Variants in ATP8A1 observed in about 807,000 individuals in gnomAD.
ATP8A1 encodes ATPase phospholipid transporting 8A1, also known as phospholipid-transporting ATPase IA.
Under a neutral mutation model 177.7 loss-of-function variants are expected in ATP8A1, and 90 were observed. The ratio of observed to expected loss-of-function variants is 0.51; its 90% CI spans 0.43 to 0.60. The LOEUF is 0.60. ATP8A1 is among the 20% of genes least tolerant of loss of function. The pLI, the probability that ATP8A1 is intolerant of heterozygous loss-of-function variation, is 0.00. For missense variants in ATP8A1, 1,072 were observed against 1,392.8 expected, an observed-to-expected ratio of 0.77 and a Z score of 3.67; for synonymous variants, 493 against 485.9, an observed-to-expected ratio of 1.01 and a Z score of -0.19.
chr4:42,479,780 A>G (rs1721464898), intron 25 of ATP8A1, among the ~76,000 whole-genome samples: 1 of 152,200 alleles, frequency 6.6e-6, no homozygotes. Context: ...TAAAATGAAT[A>G]AGAGGGATGG....
chr4:42,656,833 C>A lies in ATP8A1; in HGVS notation c.41G>T (p.Arg14Leu). 6.3e-7 allele frequency: 1 copy of A among 1,581,116 alleles called. No individual in the cohort carries two copies. ...MRRTVSEIRS[R>L]AEGYEKTDDV... is the part of the protein sequence containing the mutation. ...CCTCGGCGGCCCCTTACCTTCGGCGCGCGAGCGGATCTCCGACACGGTCCT... is the reference window on the plus strand; with the variant it reads ...CCTCGGCGGCCCCTTACCTTCGGCGAGCGAGCGGATCTCCGACACGGTCCT... The change falls in exon 1 of 37, where the codon CGC becomes CTC. Residue 14 changes from arginine (R) to leucine (L), a missense_variant. By Grantham distance (102) the Arg-to-Leu change is moderately radical. This residue lies in a region of ATP8A1 where 344 missense variants were observed against 393.5 expected (regional missense o/e 0.87). Coordinates refer to ENST00000381668, the MANE Select transcript of ATP8A1 (RefSeq NM_006095.2).
intron 20 of ATP8A1, among the ~76,000 whole-genome samples, chr4:42,530,590 G>A (rs542877910): frequency 9.6e-4 from 146 of 152,286 alleles, no homozygotes; most frequent in Middle Eastern, 3.4e-3. Flanking sequence ...GGCTAAAGAC[G>A]TGTGGCAGTG....
intron 9 of ATP8A1, among the ~76,000 whole-genome samples, chr4:42,583,695 T>C (rs1733336295): frequency 6.6e-6 from 1 of 152,112 alleles, no homozygotes; most frequent in African/African-American, 2.4e-5. Context: ...TTCCAAAGGG[T>C]CTCCAAGAGC....
At chr4:42,577,503 AAAAG>A (rs1488231667) in intron 12 of ATP8A1, among the ~76,000 whole-genome samples, 1 of 152,200 alleles carries the variant, frequency 6.6e-6, no homozygotes, top group African/African-American at 2.4e-5. Context: ...CAATGATTGA[AAAAG>A]AAAGAAACAT....
chr4:42,486,079 C>T (rs1255964103), intron 24 of ATP8A1, among the ~76,000 whole-genome samples: 1 of 152,116 alleles, frequency 6.6e-6, no homozygotes, highest in Non-Finnish European at 1.5e-5. Context: ...GTACACTCGC[C>T]AGCAGTTTTG....
intron 29 of ATP8A1, among the ~76,000 whole-genome samples, chr4:42,455,025 C>T (rs749769384): frequency 6.6e-5 from 10 of 152,132 alleles, no homozygotes; most frequent in Non-Finnish European, 1.2e-4. Context: ...GATTTTTATA[C>T]GTCAGGCCAG....
At chr4:42,576,475 C>CAAAAAAAAAAAA (rs1159794343) in intron 12 of ATP8A1, among the ~76,000 whole-genome samples, 349 of 32,416 alleles carry the variant, frequency 0.011, 31 homozygotes, top group Non-Finnish European at 0.013. Flanking sequence ...GACGCCGTCT[C>CAAAAAAAAAAAA]AAAAAAAAAA....
chr4:42,482,549 T>TGA lies in ATP8A1; in HGVS notation c.2324+2945_2324+2946dup, dbSNP rs1553884328. Among the ~76,000 whole-genome samples the TGA allele has an allele frequency of 4.7e-4, 72 of 152,134 alleles. 1 individual carries two copies. The highest frequency in any genetic ancestry group is 3.4e-3 in the Middle Eastern group (1 of 294). ...GAAAATTTCCTTCAGAAAACAGTGG[T>TGA]GAGAGAGACATAATGTCTGCTGCCT... On this transcript the variant is annotated intron_variant, in intron 25 of 36. Transcript: ENST00000381668.
rs1248177541 is a variant in ATP8A1 at position 42,656,886 on chromosome 4, T to C, written c.-13A>G. ...GCATGGTGGGCATCGCGGCGGCGGC[T>C]GCAGGTGGGTCCTCAGCCCGGACTC... On this transcript the variant is annotated 5_prime_UTR_variant, in exon 1 of 37. Transcript: ENST00000381668. The C allele has an allele frequency of 1.3e-6, 2 of 1,578,374 alleles. No individual in the cohort carries two copies. Among genetic ancestry groups the C allele is most frequent in the Non-Finnish European group, 1.7e-6 (2 of 1,162,500 alleles).
intron 33 of ATP8A1, among the ~76,000 whole-genome samples, chr4:42,433,656 A>T (rs1715567636): frequency 6.6e-6 from 1 of 152,152 alleles, no homozygotes; most frequent in South Asian, 2.1e-4. Context: ...AAACAAACAA[A>T]CAAACACAAA....
At chr4:42,610,142 C>A (rs1397856716) in intron 5 of ATP8A1, among the ~76,000 whole-genome samples, 2 of 149,248 alleles carry the variant, frequency 1.3e-5, no homozygotes, top group Admixed American at 6.7e-5. Flanking sequence ...ATCCCTACAT[C>A]TCTCATTTGG....
At chr4:42,518,348 G>A (rs1038188725) in intron 22 of ATP8A1, among the ~76,000 whole-genome samples, 1 of 152,014 alleles carries the variant, frequency 6.6e-6, no homozygotes, top group Non-Finnish European at 1.5e-5. Context: ...TCTTGCATAC[G>A]GGCACAATGA....
At chr4:42,444,110 G>A (rs1276946765) in intron 32 of ATP8A1, among the ~76,000 whole-genome samples, 2 of 152,022 alleles carry the variant, frequency 1.3e-5, no homozygotes, top group Non-Finnish European at 2.9e-5. Flanking sequence ...TTGTTTCCGG[G>A]GTCTCTACTG....
intron 24 of ATP8A1, among the ~76,000 whole-genome samples, chr4:42,489,042 GAC>G (rs753280322): frequency 3.3e-4 from 50 of 152,250 alleles, no homozygotes; most frequent in Admixed American, 1.6e-3. Flanking sequence ...GTAAGAGAGA[GAC>G]ACACACAGAG....
At chr4:42,613,405 A>G (rs1230382031) in intron 5 of ATP8A1, among the ~76,000 whole-genome samples, 1 of 152,132 alleles carries the variant, frequency 6.6e-6, no homozygotes, top group African/African-American at 2.4e-5. Context: ...TGGATGCTCA[A>G]GTCCCTTAAA....
Position 42,616,035 on chromosome 4 carries a change from TG to T in ATP8A1, c.406del (p.Gln136LysfsTer3). The T allele has an allele frequency of 1.2e-6, 2 of 1,611,988 alleles. No homozygotes were observed. The highest frequency in any genetic ancestry group is 1.7e-6 in the Non-Finnish European group (2 of 1,179,072). ...AAAAAAGCATGTAAAATTCCTACCT[TG>T]CGTTTGTTTCTTGTTCACTGCATTA... is the stretch of plus-strand genomic sequence containing the variant. ...ADNAVNKKQT[Q>X]VLRNGAWEIV... is the part of the protein sequence containing the mutation. On this transcript the variant is annotated frameshift_variant, in exon 5 of 37. Coordinates refer to ENST00000381668, the MANE Select transcript of ATP8A1 (RefSeq NM_006095.2). LOFTEE classifies it high-confidence loss of function.
chr4:42,530,136 T>C (rs1336413867), intron 20 of ATP8A1, among the ~76,000 whole-genome samples: 1 of 152,182 alleles, frequency 6.6e-6, no homozygotes, highest in East Asian at 1.9e-4. Context: ...ACCCCTGTCA[T>C]TACCCAATGG....
At chr4:42,495,518 C>T (rs905634917) in intron 24 of ATP8A1, among the ~76,000 whole-genome samples, 3 of 152,152 alleles carry the variant, frequency 2.0e-5, no homozygotes, top group African/African-American at 7.2e-5. Flanking sequence ...TAGTATTCAT[C>T]CCAGTCAGGA....
At chr4:42,537,650 C>T (rs985425335) in intron 20 of ATP8A1, among the ~76,000 whole-genome samples, 2 of 152,100 alleles carry the variant, frequency 1.3e-5, no homozygotes, top group African/African-American at 4.8e-5. Flanking sequence ...AAGAACTCAA[C>T]CCCTTTTACA....
Sources: gnomAD v4.1 joint callset for allele counts (sites outside exome capture counted in the v4.1 genomes callset) on GRCh38, gnomAD v4.1.1 for gene constraint, gnomAD v4.1.1 regional missense constraint, MANE v1.5 for transcripts, NCBI Gene and HGNC (gene_info 2026-07-23, HGNC 2026-07-21) for gene names.